RAB27B: variants seen among roughly 807,000 people sequenced by gnomAD.
The protein encoded by RAB27B is RAB27B, member RAS oncogene family.
RAB27B carries 15 observed loss-of-function variants against 24.6 expected under a neutral mutation model. That is an observed-to-expected ratio of 0.61 (90% CI 0.41 to 0.94). RAB27B has a LOEUF of 0.94. RAB27B is among the 40% of genes least tolerant of loss of function. The probability of loss-of-function intolerance (pLI) is 0.00; values close to 1 mark genes in which losing one functional copy is unlikely to be tolerated. For missense variants in RAB27B, 261 were observed against 266.8 expected (o/e 0.98, Z 0.15); for synonymous variants, 105 against 92.5 (o/e 1.14, Z -0.78).
At chr18:54,824,589 G>A (rs1162634393), upstream of RAB27B, among the ~76,000 whole-genome samples, 1 of 152,158 alleles carries the variant, frequency 6.6e-6, no homozygotes, top group Non-Finnish European at 1.5e-5. Flanking sequence ...GGGAAGTGTG[G>A]AGGATCTCAG....
In RAB27B at chr18:54,805,922, T is replaced by C. The variant is rs887132426; in HGVS notation, c.-19-71645T>C. Among the ~76,000 whole-genome samples, 9 of 152,316 alleles carry C rather than the reference T, an allele frequency of 5.9e-5. No homozygotes were observed. The South Asian group carries it at 1.7e-3, about 28-fold the overall frequency. The stretch of plus-strand genomic sequence containing the variant: ...TGCAAGTACCACTCCATCAAAATCA[T>C]ACATTGATTACTCGTAAGTTGAGAC... On this transcript the variant is annotated intron_variant, in intron 2 of 4. Transcript: ENST00000586570.
At chr18:54,738,987 A>G (rs558428125) in intron 2 of RAB27B, among the ~76,000 whole-genome samples, 1 of 152,148 alleles carries the variant, frequency 6.6e-6, no homozygotes, top group Non-Finnish European at 1.5e-5. Context: ...TGCCTTTAAT[A>G]TGCTATTTGT....
intron 1 of RAB27B, among the ~76,000 whole-genome samples, chr18:54,866,589 C>T (rs1156234804): frequency 3.3e-5 from 5 of 152,230 alleles, no homozygotes; most frequent in Non-Finnish European, 5.9e-5. Context: ...TGACCCACTG[C>T]GCCCGGCAGG....
At chr18:54,836,180 T>C (rs1199746476) in intron 1 of RAB27B, among the ~76,000 whole-genome samples, 2 of 152,024 alleles carry the variant, frequency 1.3e-5, no homozygotes, top group African/African-American at 4.8e-5. Context: ...CATAAAATTC[T>C]ACATTGCGGT....
chr18:54,875,413 A>G (rs1410462022), intron 1 of RAB27B, among the ~76,000 whole-genome samples: 1 of 152,136 alleles, frequency 6.6e-6, no homozygotes, highest in Non-Finnish European at 1.5e-5. Context: ...CAATGTCTGT[A>G]TTGGAATAAT....
rs1228962154 is a variant in RAB27B, at chr18:54,856,815, A to AAC, written c.-19-20752_-19-20751insAC. The stretch of plus-strand genomic sequence containing the variant: ...TGATAAATGTTTGCTGGGTGAGTTA[A>AAC]TGAGTAAATCAGTTAATCTGGGGGA... On this transcript the variant is annotated intron_variant, in intron 1 of 5. Coordinates refer to ENST00000262094, the MANE Select transcript of RAB27B (RefSeq NM_004163.4). 1.2e-3 allele frequency among the ~76,000 whole-genome samples: 186 copies of AAC among 152,358 alleles called. 2 individuals are homozygous for AAC. In the Middle Eastern group the frequency reaches 0.014, roughly 11 times the overall value.
intron 2 of RAB27B, among the ~76,000 whole-genome samples, chr18:54,816,071 C>A (rs2008739): frequency 0.24 from 36,603 of 152,152 alleles, 4,933 homozygotes; most frequent in African/African-American, 0.33. Flanking sequence ...TGTGATGGCA[C>A]AAATTCACCA....
chr18:54,832,415 G>A (rs1482251063), intron 1 of RAB27B, among the ~76,000 whole-genome samples: 1 of 152,208 alleles, frequency 6.6e-6, no homozygotes, highest in African/African-American at 2.4e-5. Context: ...GGGAAATGAA[G>A]AATTTATTTG....
At position 54,894,846 on chromosome 18, in the gene RAB27B, G is replaced by A. The variant is rs1175683485; in HGVS notation, c.*5433G>A. 1 of 152,066 alleles carries A rather than the reference G, an allele frequency of 6.6e-6. No homozygotes were observed. The highest frequency in any genetic ancestry group is 1.5e-5 in the Non-Finnish European group (1 of 67,956). 9.4% of individuals were successfully genotyped at this position (152,066 alleles called of 1,614,324 possible). A position where few individuals can be genotyped will look rare whatever the true frequency, so the allele number is the denominator to read the frequency against. On this transcript the variant is annotated 3_prime_UTR_variant, in exon 6 of 6. Transcript: ENST00000262094. Reference sequence around the variant, plus strand: ...ATATAAAAAGAGGTATCATAGCAGGGAAAACACACTAATTTTCATACAGTA... The same window carrying A: ...ATATAAAAAGAGGTATCATAGCAGGAAAAACACACTAATTTTCATACAGTA...
intron 1 of RAB27B, among the ~76,000 whole-genome samples, chr18:54,846,350 C>A (rs941728896): frequency 1.3e-5 from 2 of 152,160 alleles, no homozygotes; most frequent in African/African-American, 4.8e-5. Flanking sequence ...GAGCCTAATC[C>A]CATTTCCTCT....
chr18:54,850,357 T>A (rs144079544), intron 1 of RAB27B, among the ~76,000 whole-genome samples: 1 of 130,566 alleles, frequency 7.7e-6, no homozygotes, highest in Non-Finnish European at 1.6e-5. Flanking sequence ...TATATATATA[T>A]ATACATACAT....
intron 2 of RAB27B, among the ~76,000 whole-genome samples, chr18:54,778,010 G>A (rs542182198): frequency 4.6e-5 from 7 of 152,130 alleles, no homozygotes; most frequent in Admixed American, 4.6e-4. Flanking sequence ...AGAACTCAAC[G>A]TACAAGTGAA....
Position 54,785,873 on chromosome 18 carries a change from A to G in RAB27B, c.-20+67732A>G, listed in dbSNP as rs549372939. ...TTATCAGCCATCTAAGACAAAACCA[A>G]TACATAAAGATTCTTCTTATCTTTC... On this transcript the variant is annotated intron_variant, in intron 2 of 4. Coordinates refer to the RAB27B transcript ENST00000586570. Among the ~76,000 whole-genome samples, 11 of 152,336 alleles carry G rather than the reference A, an allele frequency of 7.2e-5. No individual in the cohort carries two copies. The South Asian group carries it at 2.3e-3, about 32-fold the overall frequency.
At chr18:54,804,055 G>A (rs1200648661) in intron 2 of RAB27B, among the ~76,000 whole-genome samples, 3 of 152,152 alleles carry the variant, frequency 2.0e-5, no homozygotes, top group Admixed American at 6.5e-5. Context: ...TATTAATTAT[G>A]TGGTCAGTCC....
At chr18:54,740,302 C>T (rs1910034013) in intron 2 of RAB27B, among the ~76,000 whole-genome samples, 1 of 152,122 alleles carries the variant, frequency 6.6e-6, no homozygotes, top group Non-Finnish European at 1.5e-5. Flanking sequence ...TCCTCCTAAC[C>T]CCTTAGATGT....
At chr18:54,828,014 A>G (rs1196140772), upstream of RAB27B, among the ~76,000 whole-genome samples, 2 of 152,180 alleles carry the variant, frequency 1.3e-5, no homozygotes, top group Non-Finnish European at 2.9e-5. Context: ...TGGATGTTGC[A>G]TACTGATTAA....
At chr18:54,798,959 T>C (rs1909512008) in intron 2 of RAB27B, among the ~76,000 whole-genome samples, 2 of 152,182 alleles carry the variant, frequency 1.3e-5, no homozygotes, top group African/African-American at 2.4e-5. Flanking sequence ...AATTGTATGT[T>C]TTTTCAGCCA....
In RAB27B at chr18:54,783,481, T is replaced by TTGTGTGTGTGTGTGTGTGTG. The variant is rs34288200; in HGVS notation, c.-20+65348_-20+65367dup. ...AATGTTAATTATGAAGCCTATGGCTTTGTGTGTGTGTGTGTGTGTGTGTGT... is the reference window on the plus strand; with the variant it reads ...AATGTTAATTATGAAGCCTATGGCTTTGTGTGTGTGTGTGTGTGTGTGTGTGTGTGTGTGTGTGTGTGTGT... On this transcript the variant is annotated intron_variant, in intron 2 of 4. Coordinates refer to the RAB27B transcript ENST00000586570. Among the ~76,000 whole-genome samples the TTGTGTGTGTGTGTGTGTGTG allele has an allele frequency of 3.3e-5, 5 of 149,674 alleles. No individual in the cohort carries two copies. In the South Asian group the frequency reaches 6.4e-4, roughly 19 times the overall value.
At chr18:54,742,474 G>A (rs1910099713) in intron 2 of RAB27B, among the ~76,000 whole-genome samples, 1 of 152,148 alleles carries the variant, frequency 6.6e-6, no homozygotes, top group Admixed American at 6.5e-5. Context: ...TCATACAAAT[G>A]TTATAAAGTA....
Sources: allele counts gnomAD v4.1 joint callset (sites outside exome capture counted in the v4.1 genomes callset), GRCh38; gene constraint gnomAD v4.1.1; transcripts MANE v1.5; gene names NCBI Gene and HGNC (gene_info 2026-07-23, HGNC 2026-07-21).